DYNC1I1: variants seen among roughly 807,000 people sequenced by gnomAD.
DYNC1I1 encodes cytoplasmic dynein 1 intermediate chain 1.
Under a neutral mutation model 86.6 loss-of-function variants are expected in DYNC1I1, and 43 were observed. That is an observed-to-expected ratio of 0.50 (90% CI 0.39 to 0.64). The LOEUF (loss-of-function observed/expected upper bound fraction) is 0.64. Among genes scored for constraint, DYNC1I1 ranks in the 30% least tolerant of loss-of-function variants. The pLI is 0.00. For synonymous variants in DYNC1I1, 262 were observed against 283.7 expected, an observed-to-expected ratio of 0.92 and a Z score of 0.77; for missense variants, 604 against 788.8, an observed-to-expected ratio of 0.77 and a Z score of 2.81.
intron 6 of DYNC1I1, among the ~76,000 whole-genome samples, chr7:95,923,454 GA>G (rs781303166): frequency 6.6e-6 from 1 of 152,056 alleles, no homozygotes; most frequent in Non-Finnish European, 1.5e-5. Flanking sequence ...CAGTGACAAA[GA>G]ACTTGTATTT....
At chr7:95,932,372 A>T (rs934300617) in intron 6 of DYNC1I1, among the ~76,000 whole-genome samples, 4 of 152,196 alleles carry the variant, frequency 2.6e-5, no homozygotes, top group Non-Finnish European at 5.9e-5. Flanking sequence ...AAAGGGGTTA[A>T]TTAACTTGGT....
chr7:95,798,035 A>T (rs1251514138), intron 1 of DYNC1I1, among the ~76,000 whole-genome samples: 1 of 152,184 alleles, frequency 6.6e-6, no homozygotes, highest in Non-Finnish European at 1.5e-5. Context: ...TTAAATACTT[A>T]AAGTTTTATC....
At chr7:95,935,078 G>A (rs1792003841) in intron 6 of DYNC1I1, among the ~76,000 whole-genome samples, 1 of 151,912 alleles carries the variant, frequency 6.6e-6, no homozygotes, top group South Asian at 2.1e-4. Flanking sequence ...GATCTCTAGA[G>A]CTTATTCACC....
At chr7:95,978,156 AT>A in intron 7 of DYNC1I1, among the ~76,000 whole-genome samples, 1 of 152,276 alleles carries the variant, frequency 6.6e-6, no homozygotes, top group East Asian at 1.9e-4. Flanking sequence ...CACTCCACAG[AT>A]ATTACTCACT....
intron 14 of DYNC1I1, among the ~76,000 whole-genome samples, chr7:96,071,484 G>A (rs1216784642): frequency 6.6e-6 from 1 of 152,192 alleles, no homozygotes; most frequent in Non-Finnish European, 1.5e-5. Context: ...TCTGCTCCAT[G>A]CTACCTTTGC....
chr7:96,077,276 T>TGTGTGTGTGTGGGG (rs1554443206), intron 15 of DYNC1I1, among the ~76,000 whole-genome samples: 6 of 137,262 alleles, frequency 4.4e-5, no homozygotes, highest in African/African-American at 1.7e-4. Context: ...TGTGTGTGTG[T>TGTGTGTGTGTGGGG]GGGAGGGGGC....
At chr7:95,984,155 C>G (rs1793524070) in intron 7 of DYNC1I1, among the ~76,000 whole-genome samples, 1 of 152,022 alleles carries the variant, frequency 6.6e-6, no homozygotes, top group Non-Finnish European at 1.5e-5. Context: ...TTAATCATAC[C>G]AGAAAAGTAA....
At chr7:95,890,983 T>G (rs530440437) in intron 6 of DYNC1I1, among the ~76,000 whole-genome samples, 35 of 152,344 alleles carry the variant, frequency 2.3e-4, no homozygotes, top group African/African-American at 8.4e-4. Flanking sequence ...TCATCCCCAG[T>G]ACCTCAGAAT....
At chr7:95,893,547 T>A (rs1000244596) in intron 6 of DYNC1I1, among the ~76,000 whole-genome samples, 3 of 152,224 alleles carry the variant, frequency 2.0e-5, no homozygotes, top group Non-Finnish European at 4.4e-5. Flanking sequence ...AAATGTTGCC[T>A]GGGCTTTATA....
chr7:96,094,417 T>A (rs1790937530), intron 16 of DYNC1I1, among the ~76,000 whole-genome samples: 1 of 152,204 alleles, frequency 6.6e-6, no homozygotes, highest in Non-Finnish European at 1.5e-5. Context: ...TAGCCATTTC[T>A]AATCAGAGAC....
chr7:95,944,554 G>C (rs539818949), intron 6 of DYNC1I1, among the ~76,000 whole-genome samples: 2 of 152,230 alleles, frequency 1.3e-5, no homozygotes, highest in South Asian at 2.1e-4. Context: ...AAATCATGCT[G>C]CTATAAAGAC....
At chr7:96,017,086 T>C (rs1794420870) in intron 10 of DYNC1I1, among the ~76,000 whole-genome samples, 1 of 152,190 alleles carries the variant, frequency 6.6e-6, no homozygotes, top group Admixed American at 6.5e-5. Flanking sequence ...CCTACACTTT[T>C]TCCTGTCAAA....
At chr7:96,019,052 T>C (rs1794474766) in intron 10 of DYNC1I1, among the ~76,000 whole-genome samples, 1 of 152,194 alleles carries the variant, frequency 6.6e-6, no homozygotes, top group Non-Finnish European at 1.5e-5. Context: ...TTTTGTTTCT[T>C]CATTTTAATT....
At chr7:95,774,771 TC>T (rs1793799254) in intron 1 of DYNC1I1, among the ~76,000 whole-genome samples, 2 of 152,258 alleles carry the variant, frequency 1.3e-5, no homozygotes, top group East Asian at 3.9e-4. Context: ...TGCTGCTCTG[TC>T]CATAAAAACA....
At chr7:95,784,266 T>A (rs545543049) in intron 1 of DYNC1I1, among the ~76,000 whole-genome samples, 1 of 152,296 alleles carries the variant, frequency 6.6e-6, no homozygotes, top group African/African-American at 2.4e-5. Context: ...CCCCAGCACT[T>A]CAAAGTCATG....
At chr7:96,019,277 C>T (rs1276716129) in intron 10 of DYNC1I1, among the ~76,000 whole-genome samples, 1 of 120,314 alleles carries the variant, frequency 8.3e-6, no homozygotes, top group African/African-American at 3.0e-5. Context: ...TTTATTCCTT[C>T]TATCTAACTG....
At chr7:95,819,338 C>T (rs1795022433) in intron 4 of DYNC1I1, among the ~76,000 whole-genome samples, 1 of 152,214 alleles carries the variant, frequency 6.6e-6, no homozygotes, top group East Asian at 1.9e-4. Context: ...CTTGTCCTGT[C>T]TGCATGTAGT....
chr7:95,798,445 C>A (rs954728914), intron 1 of DYNC1I1, among the ~76,000 whole-genome samples: 2 of 151,730 alleles, frequency 1.3e-5, no homozygotes, highest in Admixed American at 6.6e-5. Context: ...AGACACTAAG[C>A]AGGTGAAATG....
At chr7:96,068,129 C>T (rs1370256466) in intron 14 of DYNC1I1, among the ~76,000 whole-genome samples, 1 of 152,150 alleles carries the variant, frequency 6.6e-6, no homozygotes, top group Non-Finnish European at 1.5e-5. Context: ...TAATACTAGA[C>T]TATTTTCCCA....
Sources: gnomAD v4.1 joint callset for allele counts (sites outside exome capture counted in the v4.1 genomes callset) on GRCh38, gnomAD v4.1.1 for gene constraint, MANE v1.5 for transcripts, NCBI Gene and HGNC (gene_info 2026-07-23, HGNC 2026-07-21) for gene names.